Variants in SLC16A12 observed in about 807,000 individuals in gnomAD.
The protein encoded by SLC16A12 is monocarboxylate transporter 12.
In SLC16A12, 17 loss-of-function variants were observed where a neutral mutation model predicts 42.4. That is an observed-to-expected ratio of 0.40 (90% CI 0.27 to 0.60). SLC16A12 has a LOEUF of 0.60. Ranked by LOEUF, SLC16A12 falls within the 20% of genes least tolerant of loss-of-function variation. The probability of loss-of-function intolerance (pLI) is 0.42; values close to 1 mark genes in which losing one functional copy is unlikely to be tolerated. For synonymous variants in SLC16A12, 224 were observed against 229.4 expected (o/e 0.98, Z 0.21); for missense variants, 544 against 623.0 (o/e 0.87, Z 1.35).
intron 2 of SLC16A12, among the ~76,000 whole-genome samples, chr10:89,531,330 C>T (rs1009057809): frequency 3.9e-5 from 6 of 151,974 alleles, no homozygotes; most frequent in Admixed American, 6.5e-5. Flanking sequence ...ACCAGGGAGG[C>T]GGATGTTGCA....
intron 2 of SLC16A12, among the ~76,000 whole-genome samples, chr10:89,477,421 G>A (rs1321733725): frequency 6.6e-6 from 1 of 151,982 alleles, no homozygotes; most frequent in Non-Finnish European, 1.5e-5. Flanking sequence ...AAAATTAGCT[G>A]GGCGTGGTGG....
chr10:89,538,366 A>T (rs1464653824), upstream of SLC16A12, among the ~76,000 whole-genome samples: 1 of 152,240 alleles, frequency 6.6e-6, no homozygotes, highest in Non-Finnish European at 1.5e-5. Flanking sequence ...AATTAATTAT[A>T]ATCGTAATTA....
In SLC16A12 at chr10:89,486,608, AAAGAAAGAAAGAAAG is replaced by A. The variant is rs1564585802; in HGVS notation, c.-46-23999_-46-23985del. ...CCTTGTCTCAAAAAAAAAAAAAAAG[AAAGAAAGAAAGAAAG>A]AAAGAAAGAAAGAAAGAAAGAAAGA... On this transcript the variant is annotated intron_variant, in intron 2 of 7. Transcript: ENST00000371790. Among the ~76,000 whole-genome samples the A allele has an allele frequency of 1.7e-3, 67 of 40,278 alleles. 1 individual carries two copies. The highest frequency in any genetic ancestry group is 7.1e-3 in the African/African-American group (64 of 9,000). The allele number at this position is 40,278 out of a possible 152,430, so 26.4% of individuals were successfully genotyped here. A position where few individuals can be genotyped will look rare whatever the true frequency, so the allele number is the denominator to read the frequency against.
intron 2 of SLC16A12, among the ~76,000 whole-genome samples, chr10:89,498,053 T>C (rs1842947470): frequency 6.6e-6 from 1 of 152,154 alleles, no homozygotes; most frequent in African/African-American, 2.4e-5. Context: ...CTCATACCTG[T>C]AATCCCAACA....
At position 89,517,625 on chromosome 10, in the gene SLC16A12, T is replaced by C. The variant is rs563929180; in HGVS notation, c.-47+16876A>G. ...TGCACCTGGCTCCAACTTTATTGAA[T>C]AGAGGAATGTCATTACTTTTTAAAT... On this transcript the variant is annotated intron_variant, in intron 2 of 7. Transcript: ENST00000371790. Among the ~76,000 whole-genome samples, 5 of 152,250 alleles carry C rather than the reference T, an allele frequency of 3.3e-5. No homozygotes were observed. The South Asian group carries it at 1.0e-3, about 32-fold the overall frequency.
chr10:89,549,367 T>G (rs909835486), intron 2 of SLC16A12, among the ~76,000 whole-genome samples: 1 of 152,246 alleles, frequency 6.6e-6, no homozygotes, highest in Non-Finnish European at 1.5e-5. Flanking sequence ...ATTGTGCTGC[T>G]TCCTTCAGCA....
chr10:89,486,591 CAAA>C lies in SLC16A12; in HGVS notation c.-46-23970_-46-23968del, dbSNP rs374359325. Among the ~76,000 whole-genome samples, 8 of 42,850 alleles carry C rather than the reference CAAA, an allele frequency of 1.9e-4. No homozygotes were observed. The East Asian group carries it at 2.6e-3, about 14-fold the overall frequency. 28.1% of individuals were successfully genotyped at this position (42,850 alleles called of 152,430 possible). A position where few individuals can be genotyped will look rare whatever the true frequency, so the allele number is the denominator to read the frequency against. On this transcript the variant is annotated intron_variant, in intron 2 of 7. Transcript: ENST00000371790. ...TAGGTGACAGAGTGAAACCTTGTCT[CAAA>C]AAAAAAAAAAAAGAAAGAAAGAAAG...
At chr10:89,434,305 G>T (rs913670911) in intron 7 of SLC16A12, among the ~76,000 whole-genome samples, 18 of 152,266 alleles carry the variant, frequency 1.2e-4, no homozygotes, top group Middle Eastern at 3.4e-3. Flanking sequence ...ATTAATCCTC[G>T]AATTTCCAGT....
At chr10:89,483,011 T>C (rs1337867946) in intron 2 of SLC16A12, among the ~76,000 whole-genome samples, 1 of 152,200 alleles carries the variant, frequency 6.6e-6, no homozygotes, top group Non-Finnish European at 1.5e-5. Flanking sequence ...AACGGAAATT[T>C]ACTTTCTCAG....
At position 89,481,678 on chromosome 10, in the gene SLC16A12, A is replaced by AGTGT. The variant is rs528666796; in HGVS notation, c.-46-19058_-46-19055dup. Among the ~76,000 whole-genome samples the AGTGT allele has an allele frequency of 5.5e-3, 785 of 143,964 alleles. 5 individuals carry two copies. Among genetic ancestry groups the AGTGT allele is most frequent in the Middle Eastern group, 0.033 (9 of 276 alleles). 94.4% of individuals were successfully genotyped at this position (143,964 alleles called of 152,430 possible). ...GTGTGTGTGTGTGAGAGAGAGAGAG[A>AGTGT]GTGTGTGTGTGTGTGTGTGTGTGTG... On this transcript the variant is annotated intron_variant, in intron 2 of 7. Coordinates refer to ENST00000371790, the MANE Select transcript of SLC16A12 (RefSeq NM_213606.4).
chr10:89,480,814 C>CA (rs1244148866), intron 2 of SLC16A12, among the ~76,000 whole-genome samples: 3 of 152,070 alleles, frequency 2.0e-5, no homozygotes, highest in African/African-American at 7.2e-5. Context: ...GGAAGACTGG[C>CA]AAAATGAAAA....
intron 2 of SLC16A12, among the ~76,000 whole-genome samples, chr10:89,503,785 C>T (rs2133825896): frequency 6.6e-6 from 1 of 152,242 alleles, no homozygotes; most frequent in Admixed American, 6.5e-5. Context: ...GCCACAGAGG[C>T]CACTGTAGCC....
At chr10:89,514,837 T>G (rs1000434431) in intron 2 of SLC16A12, among the ~76,000 whole-genome samples, 65 of 152,190 alleles carry the variant, frequency 4.3e-4, no homozygotes, top group Non-Finnish European at 1.0e-4. Flanking sequence ...ATGCCTGTAA[T>G]CCCAGCACTT....
In SLC16A12 at chr10:89,462,490, G is replaced by A. The variant is rs1842318115; in HGVS notation, c.89C>T (p.Thr30Ile). ...EQPGKEEKRK[T>I]MAKVNRARST... ...CCGAGCTCTATTTACTTTTGCCATG[G>A]TTTTTCTTTTTTCTTCTTTTCCAGG... The change falls in exon 3 of 8, where the codon ACC becomes ATC. Residue 30 changes from threonine to isoleucine, a missense_variant. Transcript: ENST00000371790. 2 of 1,614,030 alleles carry A rather than the reference G, an allele frequency of 1.2e-6. No individual in the cohort carries two copies. The highest frequency in any genetic ancestry group is 1.3e-5 in the African/African-American group (1 of 75,028).
At chr10:89,465,745 A>G (rs1037106015) in intron 2 of SLC16A12, among the ~76,000 whole-genome samples, 1 of 152,008 alleles carries the variant, frequency 6.6e-6, no homozygotes, top group Non-Finnish European at 1.5e-5. Context: ...ATTCAACTCT[A>G]TCTGCTCTTT....
intron 2 of SLC16A12, among the ~76,000 whole-genome samples, chr10:89,489,581 A>G (rs969878457): frequency 1.5e-4 from 23 of 152,220 alleles, no homozygotes; most frequent in Middle Eastern, 3.4e-3. Flanking sequence ...TACTCAAGCA[A>G]TCCACCTACC....
intron 2 of SLC16A12, among the ~76,000 whole-genome samples, chr10:89,551,691 T>G (rs980918296): frequency 1.3e-5 from 2 of 152,206 alleles, no homozygotes; most frequent in African/African-American, 2.4e-5. Flanking sequence ...TCTTAAGAGA[T>G]CTGATGGTTT....
At chr10:89,556,238 T>A (rs78574423) in intron 1 of SLC16A12, among the ~76,000 whole-genome samples, 2 of 152,230 alleles carry the variant, frequency 1.3e-5, no homozygotes, top group East Asian at 3.9e-4. Context: ...TGATAAATAA[T>A]TTGCAGAAGA....
chr10:89,508,342 G>T (rs1843102552), intron 2 of SLC16A12, among the ~76,000 whole-genome samples: 1 of 152,134 alleles, frequency 6.6e-6, no homozygotes, highest in Non-Finnish European at 1.5e-5. Context: ...ACACTCTTCA[G>T]CAAATGTAAA....
Sources: allele counts gnomAD v4.1 joint callset (sites outside exome capture counted in the v4.1 genomes callset), GRCh38; gene constraint gnomAD v4.1.1; transcripts MANE v1.5; gene names NCBI Gene and HGNC (gene_info 2026-07-23, HGNC 2026-07-21).